SPATA16: variants seen among roughly 807,000 people sequenced by gnomAD.
SPATA16 encodes spermatogenesis associated 16.
In SPATA16, 36 loss-of-function variants were observed where a neutral mutation model predicts 63.3. That is an observed-to-expected ratio of 0.57 (90% confidence interval 0.44 to 0.75). The LOEUF (loss-of-function observed/expected upper bound fraction) is 0.75. SPATA16 is among the 30% of genes least tolerant of loss of function. The pLI is 0.00. For missense variants in SPATA16, 646 were observed against 679.3 expected, an observed-to-expected ratio of 0.95 and a Z score of 0.54; for synonymous variants, 203 against 216.7, an observed-to-expected ratio of 0.94 and a Z score of 0.56.
intron 2 of SPATA16, among the ~76,000 whole-genome samples, chr3:173,057,022 GTATT>G (rs1318589636): frequency 1.3e-5 from 2 of 151,272 alleles, no homozygotes; most frequent in Non-Finnish European, 2.9e-5. Flanking sequence ...GCATACTCAC[GTATT>G]TATTTTTCTA....
chr3:173,133,240 T>C (rs1210065507), intron 1 of SPATA16, among the ~76,000 whole-genome samples: 1 of 152,134 alleles, frequency 6.6e-6, no homozygotes, highest in African/African-American at 2.4e-5. Context: ...TTCCAGCTGG[T>C]TGAAAGTTAG....
chr3:173,031,751 G>A (rs1319284082), intron 3 of SPATA16, among the ~76,000 whole-genome samples: 1 of 152,028 alleles, frequency 6.6e-6, no homozygotes, highest in Non-Finnish European at 1.5e-5. Flanking sequence ...TGCTACAAAA[G>A]ATTGATCATT....
chr3:172,933,541 AG>A (rs1560071375), intron 6 of SPATA16, among the ~76,000 whole-genome samples: 1 of 152,246 alleles, frequency 6.6e-6, no homozygotes, highest in African/African-American at 2.4e-5. Flanking sequence ...ATTATATTCA[AG>A]AAGCTAGCAC....
Position 173,094,677 on chromosome 3 carries a change from G to GTTT in SPATA16, c.612+22440_612+22442dup, listed in dbSNP as rs57224552. On this transcript the variant is annotated intron_variant, in intron 2 of 10. Coordinates refer to ENST00000351008, the MANE Select transcript of SPATA16 (RefSeq NM_031955.6). ...ATGCAAATAAGGTGTTATGGGAGTT[G>GTTT]TTTTTTTTTTTTTTTTTTGGCTTTT... Among the ~76,000 whole-genome samples the GTTT allele has an allele frequency of 3.1e-3, 358 of 115,682 alleles. 4 individuals are homozygous for GTTT. Among genetic ancestry groups the GTTT allele is most frequent in the East Asian group, 7.3e-3 (26 of 3,586 alleles). The allele number at this position is 115,682 out of a possible 152,430, so 75.9% of individuals were successfully genotyped here. A position where few individuals can be genotyped will look rare whatever the true frequency, so the allele number is the denominator to read the frequency against.
intron 6 of SPATA16, among the ~76,000 whole-genome samples, chr3:172,926,582 T>G (rs1316155493): frequency 6.6e-6 from 1 of 152,204 alleles, no homozygotes; most frequent in Admixed American, 6.5e-5. Context: ...GTAGTCTGAC[T>G]CCAGACACCA....
At chr3:173,115,845 C>G (rs1290388140) in intron 2 of SPATA16, among the ~76,000 whole-genome samples, 1 of 151,994 alleles carries the variant, frequency 6.6e-6, no homozygotes, top group Non-Finnish European at 1.5e-5. Flanking sequence ...ACATTTGACT[C>G]CTGCTCACTC....
Position 173,019,618 on chromosome 3 carries a change from A to C in SPATA16, c.759-43T>G, listed in dbSNP as rs770424272. On this transcript the variant is annotated intron_variant, in intron 3 of 10. Transcript: ENST00000351008. ...AAATGCAAATGTTATTTGGGTTTTAAAAGACAATTACCACAAGTGCAATGG... is the reference window on the plus strand; with the variant it reads ...AAATGCAAATGTTATTTGGGTTTTACAAGACAATTACCACAAGTGCAATGG... 4 of 1,551,394 alleles carry C rather than the reference A, an allele frequency of 2.6e-6. No individual in the cohort carries two copies. The South Asian group carries it at 4.5e-5, about 17-fold the overall frequency.
At chr3:172,954,327 T>A (rs1479625991) in intron 6 of SPATA16, among the ~76,000 whole-genome samples, 1 of 152,174 alleles carries the variant, frequency 6.6e-6, no homozygotes, top group Non-Finnish European at 1.5e-5. Flanking sequence ...GTGAGACTTA[T>A]TTACTACCAT....
At chr3:172,980,918 C>G (rs927220330) in intron 4 of SPATA16, among the ~76,000 whole-genome samples, 1 of 152,190 alleles carries the variant, frequency 6.6e-6, no homozygotes, top group Non-Finnish European at 1.5e-5. Context: ...TCTAATTTTT[C>G]TCTTCCTGTT....
intron 5 of SPATA16, among the ~76,000 whole-genome samples, chr3:172,962,721 A>G (rs943741556): frequency 7.3e-5 from 11 of 151,404 alleles, no homozygotes; most frequent in African/African-American, 2.7e-4. Flanking sequence ...AGTTAACATT[A>G]TTAAATTCAA....
chr3:173,106,994 A>G (rs1737636266), intron 2 of SPATA16, among the ~76,000 whole-genome samples: 1 of 152,138 alleles, frequency 6.6e-6, no homozygotes, highest in South Asian at 2.1e-4. Flanking sequence ...TTGTGTTCAT[A>G]TTGTGTATAT....
chr3:172,943,666 G>C (rs781343955), intron 6 of SPATA16, among the ~76,000 whole-genome samples: 4 of 152,138 alleles, frequency 2.6e-5, no homozygotes, highest in Non-Finnish European at 4.4e-5. Flanking sequence ...CTTGAACCTG[G>C]GAGGCAGAGG....
At chr3:172,939,601 C>G (rs1265517062) in intron 6 of SPATA16, among the ~76,000 whole-genome samples, 1 of 152,118 alleles carries the variant, frequency 6.6e-6, no homozygotes, top group Non-Finnish European at 1.5e-5. Flanking sequence ...TGGTGAAGCC[C>G]TAACACAGAC....
At chr3:173,020,843 A>G (rs1735313791) in intron 3 of SPATA16, among the ~76,000 whole-genome samples, 4 of 152,210 alleles carry the variant, frequency 2.6e-5, no homozygotes, top group African/African-American at 9.6e-5. Flanking sequence ...ATTAAGCAAC[A>G]TTTTGTGAGC....
intron 6 of SPATA16, among the ~76,000 whole-genome samples, chr3:172,949,989 C>T (rs1733391367): frequency 6.6e-6 from 1 of 152,146 alleles, no homozygotes; most frequent in Admixed American, 6.5e-5. Context: ...CCACATACCC[C>T]ATTACAACTG....
chr3:173,051,265 C>T (rs991818589), intron 2 of SPATA16, among the ~76,000 whole-genome samples: 1 of 152,020 alleles, frequency 6.6e-6, no homozygotes, highest in Non-Finnish European at 1.5e-5. Context: ...TGTAGTGGCG[C>T]GATCTCTCCT....
chr3:172,940,107 A>G (rs949034682), intron 6 of SPATA16, among the ~76,000 whole-genome samples: 1 of 152,184 alleles, frequency 6.6e-6, no homozygotes, highest in African/African-American at 2.4e-5. Flanking sequence ...CACCCCTACT[A>G]TCTTGCTCTG....
At chr3:173,100,146 T>A (rs1737455574) in intron 2 of SPATA16, among the ~76,000 whole-genome samples, 1 of 152,154 alleles carries the variant, frequency 6.6e-6, no homozygotes, top group Non-Finnish European at 1.5e-5. Context: ...TGAGGATACC[T>A]CTCTATGGGA....
rs1380118082 is a variant in SPATA16 at position 173,141,127 on chromosome 3, C to T, written c.-43G>A. ...CCTAAGCAGTTGTGGCTCAGCCCCG[C>T]GGGGACAGGGCGAAGCTCTGGACTC... On this transcript the variant is annotated 5_prime_UTR_variant, in exon 1 of 11. Transcript: ENST00000351008. The T allele has an allele frequency of 6.6e-6, 1 of 152,246 alleles. No homozygotes were observed. The highest frequency in any genetic ancestry group is 1.9e-4 in the East Asian group (1 of 5,156). 9.4% of individuals were successfully genotyped at this position (152,246 alleles called of 1,614,324 possible).
Sources: allele counts gnomAD v4.1 joint callset (sites outside exome capture counted in the v4.1 genomes callset), GRCh38; gene constraint gnomAD v4.1.1; transcripts MANE v1.5; gene names NCBI Gene and HGNC (gene_info 2026-07-23, HGNC 2026-07-21).